The following UPRT variants were observed in gnomAD, a reference collection of about 807,000 sequenced individuals.
The protein encoded by UPRT is RP11-311P8.3.
In UPRT, 5 loss-of-function variants were observed where a neutral mutation model predicts 22.6. The observed-to-expected ratio is 0.22, with a 90% CI of 0.12 to 0.47. The LOEUF (loss-of-function observed/expected upper bound fraction) is 0.47. Ranked by LOEUF, UPRT falls within the 20% of genes least tolerant of loss-of-function variation. The pLI, the probability that UPRT is intolerant of heterozygous loss-of-function variation, is 0.99. For missense variants in UPRT, 181 were observed against 239.9 expected (o/e 0.75, Z 1.62); for synonymous variants, 77 against 87.7 (o/e 0.88, Z 0.68).
intron 4 of UPRT, among the ~76,000 whole-genome samples, chrX:75,180,271 G>A (rs2147609526): frequency 8.9e-6 from 1 of 112,229 alleles, no homozygotes; most frequent in South Asian, 3.7e-4. Flanking sequence ...GTCAGAAATG[G>A]CTTCCCTGGG....
intron 4 of UPRT, among the ~76,000 whole-genome samples, chrX:75,253,668 C>G (rs766744493): frequency 2.1e-4 from 24 of 112,033 alleles, no homozygotes; most frequent in Non-Finnish European, 4.1e-4. Context: ...AATCAGGTAA[C>G]CTAAGAGGAC....
upstream of UPRT, among the ~76,000 whole-genome samples, chrX:75,270,042 G>A (rs767928753): frequency 1.8e-5 from 2 of 110,757 alleles, no homozygotes; most frequent in East Asian, 2.8e-4. Flanking sequence ...CTATAAAAAC[G>A]TAAATAAATT....
intron 4 of UPRT, among the ~76,000 whole-genome samples, chrX:75,223,130 T>C (rs1174220458): frequency 1.8e-5 from 2 of 110,072 alleles, no homozygotes; most frequent in Non-Finnish European, 3.8e-5. Flanking sequence ...CTCAAAATGT[T>C]ATGCAGGAGC....
Position 75,224,830 on chromosome X carries a change from C to T in UPRT, c.-447+56951C>T, listed in dbSNP as rs150592525. 5.5e-3 allele frequency among the ~76,000 whole-genome samples: 613 copies of T among 111,618 alleles called. 3 individuals are homozygous for T. Among genetic ancestry groups the T allele is most frequent in the Non-Finnish European group, 9.2e-3 (488 of 53,107 alleles). On this transcript the variant is annotated intron_variant, in intron 4 of 13. Coordinates refer to the UPRT transcript ENST00000652605. ...ATATCCTCTTGATTCCCTTTCACCA[C>T]AACTTTCACTGTTTTTGAGAGGGCT...
intron 1 of UPRT, among the ~76,000 whole-genome samples, chrX:75,283,659 C>A (rs2082668114): frequency 8.9e-6 from 1 of 111,752 alleles, no homozygotes; most frequent in South Asian, 3.7e-4. Flanking sequence ...TTTCTGCTGA[C>A]AAATCTGCTG....
chrX:75,234,102 A>C (rs767787376), intron 4 of UPRT, among the ~76,000 whole-genome samples: 3 of 110,404 alleles, frequency 2.7e-5, no homozygotes, highest in Admixed American at 1.9e-4. Flanking sequence ...TCTACCAAGC[A>C]AATGGAAAAC....
intron 6 of UPRT, among the ~76,000 whole-genome samples, chrX:75,301,888 C>A (rs2082745571): frequency 8.9e-6 from 1 of 111,926 alleles, no homozygotes; most frequent in African/African-American, 3.2e-5. Flanking sequence ...AGTGTTGTTT[C>A]AATTTTGGTT....
intron 4 of UPRT, among the ~76,000 whole-genome samples, chrX:75,210,634 G>A (rs1049192687): frequency 2.4e-4 from 24 of 99,079 alleles, no homozygotes; most frequent in East Asian, 1.0e-3. Context: ...TGGAGGAGCC[G>A]CAGCCAAAGG....
chrX:75,263,806 T>C (rs1049597468), intron 4 of UPRT, among the ~76,000 whole-genome samples: 1 of 111,219 alleles, frequency 9.0e-6, no homozygotes, highest in Non-Finnish European at 1.9e-5. Flanking sequence ...TTAATTGTGA[T>C]GTTAGGGTGT....
intron 1 of UPRT, among the ~76,000 whole-genome samples, chrX:75,286,839 G>A (rs777788004): frequency 9.0e-6 from 1 of 111,622 alleles, no homozygotes; most frequent in Non-Finnish European, 1.9e-5. Context: ...CAGGCTGTGA[G>A]GAACCTGACT....
chrX:75,160,477 A>G (rs1050533799), intron 1 of UPRT, among the ~76,000 whole-genome samples: 1 of 111,706 alleles, frequency 9.0e-6, no homozygotes, highest in Non-Finnish European at 1.9e-5. Context: ...TTGCATAAAG[A>G]TGTTTATATC....
intron 6 of UPRT, among the ~76,000 whole-genome samples, chrX:75,302,769 A>T (rs1256944839): frequency 1.8e-5 from 2 of 110,733 alleles, no homozygotes; most frequent in Non-Finnish European, 3.8e-5. Context: ...CCCTCCCCAT[A>T]AGCTAGAGTC....
At chrX:75,179,535 G>T (rs1433224959) in intron 4 of UPRT, among the ~76,000 whole-genome samples, 2 of 113,464 alleles carry the variant, frequency 1.8e-5, no homozygotes, top group Non-Finnish European at 3.7e-5. Context: ...CCTTCCTTGG[G>T]TGGTCGATGG....
chrX:75,233,067 T>A (rs2147644311), intron 4 of UPRT, among the ~76,000 whole-genome samples: 1 of 111,336 alleles, frequency 9.0e-6, no homozygotes, highest in East Asian at 2.8e-4. Context: ...ATAACTAGAA[T>A]AACCAATACA....
chrX:75,244,724 G>A (rs1043041436), intron 4 of UPRT, among the ~76,000 whole-genome samples: 80 of 110,820 alleles, frequency 7.2e-4, no homozygotes, highest in African/African-American at 2.5e-3. Flanking sequence ...AGTAATATGC[G>A]GAAGATTAAA....
At chrX:75,206,764 A>G (rs184030869) in intron 4 of UPRT, among the ~76,000 whole-genome samples, 96 of 110,977 alleles carry the variant, frequency 8.7e-4, no homozygotes, top group African/African-American at 3.0e-3. Context: ...TCCTGGGTTC[A>G]TGCCATTCTC....
intron 4 of UPRT, among the ~76,000 whole-genome samples, chrX:75,228,965 T>C (rs1397845167): frequency 1.8e-5 from 2 of 112,027 alleles, no homozygotes; most frequent in Admixed American, 9.5e-5. Flanking sequence ...GTCAAACTCA[T>C]AGAAGCTGAG....
intron 4 of UPRT, among the ~76,000 whole-genome samples, chrX:75,171,583 G>T (rs2082227555): frequency 9.1e-6 from 1 of 110,155 alleles, no homozygotes; most frequent in Non-Finnish European, 1.9e-5. Flanking sequence ...GTAAATCCGG[G>T]ATTTCTTTTT....
chrX:75,198,952 A>C (rs767483075), intron 4 of UPRT, among the ~76,000 whole-genome samples: 2 of 112,074 alleles, frequency 1.8e-5, no homozygotes, highest in Non-Finnish European at 3.8e-5. Flanking sequence ...GGCTAAACTC[A>C]GCCCTAGCCT....
Sources: gnomAD v4.1 joint callset for allele counts (sites outside exome capture counted in the v4.1 genomes callset) on GRCh38, gnomAD v4.1.1 for gene constraint, MANE v1.5 for transcripts, NCBI Gene and HGNC (gene_info 2026-07-23, HGNC 2026-07-21) for gene names.